The following MARCHF6 variants were observed in gnomAD, a reference collection of about 807,000 sequenced individuals.
The protein encoded by MARCHF6 is E3 ubiquitin-protein ligase MARCHF6.
In MARCHF6, 31 loss-of-function variants were observed where a neutral mutation model predicts 133.7. The observed-to-expected ratio is 0.23, with a 90% CI of 0.17 to 0.31. The LOEUF (loss-of-function observed/expected upper bound fraction) is 0.31. Ranked by LOEUF, MARCHF6 falls within the 10% of genes least tolerant of loss-of-function variation. MARCHF6 has a pLI of 1.00. For missense variants in MARCHF6, 723 were observed against 1,121.6 expected, an observed-to-expected ratio of 0.64 and a Z score of 5.08; for synonymous variants, 395 against 402.5, an observed-to-expected ratio of 0.98 and a Z score of 0.22.
chr5:10,415,153 G>A (rs1224401557), intron 20 of MARCHF6, among the ~76,000 whole-genome samples: 2 of 152,224 alleles, frequency 1.3e-5, no homozygotes, highest in African/African-American at 2.4e-5. Flanking sequence ...CCTATTATTT[G>A]CATAACAGTT....
Position 10,436,966 on chromosome 5 carries a change from T to C in MARCHF6, c.*3282T>C, listed in dbSNP as rs1176293208. On this transcript the variant is annotated 3_prime_UTR_variant, in exon 26 of 26. Coordinates refer to ENST00000274140, the MANE Select transcript of MARCHF6 (RefSeq NM_005885.4). Reference sequence around the variant, plus strand: ...TTATTCAAGTAATATAGAATAACTTTCCTTAAAATGATTTGATCCAAGATA... The same window carrying C: ...TTATTCAAGTAATATAGAATAACTTCCCTTAAAATGATTTGATCCAAGATA... 2.0e-5 allele frequency: 3 copies of C among 152,274 alleles called. No homozygotes were observed. Among genetic ancestry groups the C allele is most frequent in the Non-Finnish European group, 4.4e-5 (3 of 68,048 alleles). The allele number at this position is 152,274 out of a possible 1,614,324, so 9.4% of individuals were successfully genotyped here.
At chr5:10,404,279 G>C (rs1467158316) in intron 15 of MARCHF6, among the ~76,000 whole-genome samples, 2 of 152,092 alleles carry the variant, frequency 1.3e-5, no homozygotes, top group South Asian at 2.1e-4. Context: ...TGTTGGCCAG[G>C]CTGTTCTTGA....
At chr5:10,361,545 A>G (rs969350586) in intron 1 of MARCHF6, among the ~76,000 whole-genome samples, 2 of 152,118 alleles carry the variant, frequency 1.3e-5, no homozygotes, top group African/African-American at 4.8e-5. Flanking sequence ...ATATTGGATT[A>G]GGGCCTACTC....
At chr5:10,365,236 A>G (rs1313228111) in intron 1 of MARCHF6, among the ~76,000 whole-genome samples, 2 of 152,202 alleles carry the variant, frequency 1.3e-5, no homozygotes, top group Non-Finnish European at 2.9e-5. Flanking sequence ...TTAATTTAGT[A>G]ACGATAGTAA....
At position 10,434,819 on chromosome 5, in the gene MARCHF6, A is replaced by C. The variant is rs146068061; in HGVS notation, c.*1135A>C. 6.6e-6 allele frequency: 1 copy of C among 152,644 alleles called. No homozygotes were observed. The highest frequency in any genetic ancestry group is 1.5e-5 in the Non-Finnish European group (1 of 68,042). The allele number at this position is 152,644 out of a possible 1,614,324, so 9.5% of individuals were successfully genotyped here. On this transcript the variant is annotated 3_prime_UTR_variant, in exon 26 of 26. Transcript: ENST00000274140. ...TTTTTGTTTACAGAATAAAACTTCA[A>C]ATAAAACCAATTCATTATTTGTCCA...
intron 1 of MARCHF6, among the ~76,000 whole-genome samples, chr5:10,369,614 C>CA (rs1554019318): frequency 1.2e-4 from 1 of 8,412 alleles, no homozygotes; most frequent in Admixed American, 6.3e-4. Flanking sequence ...CCCCCCCCCC[C>CA]CCTTGCAAAT....
In MARCHF6 at chr5:10,380,306, TTCA is replaced by T. The variant is rs1266051365; in HGVS notation, c.190+1479_190+1481del. ...ACATTTTCACTTTTGGAGCTGTATA[TTCA>T]TCATAAAAAAGTCAATTCTGTTATT... On this transcript the variant is annotated intron_variant, in intron 3 of 25. Transcript: ENST00000274140. Among the ~76,000 whole-genome samples the T allele has an allele frequency of 7.2e-5, 11 of 152,298 alleles. No homozygotes were observed. The South Asian group carries it at 8.3e-4, about 11-fold the overall frequency.
chr5:10,417,317 T>A lies in MARCHF6; in HGVS notation c.2196T>A (p.Pro732=), dbSNP rs150482691. 3.7e-6 allele frequency: 6 copies of A among 1,613,986 alleles called. No individual in the cohort carries two copies. In the African/African-American group the frequency reaches 8.0e-5, roughly 22 times the overall value. ...CGGTGCTGTTGGCTGGAGTTGTCCC[T>A]CTCCTTCTGGGGCTCCTGTTTGAGC... ...IVAVLLAGVV[P]LLLGLLFELV... The change falls in exon 22 of 26, where the codon CCT becomes CCA. Residue 732 remains proline (P), a synonymous_variant. Transcript: ENST00000274140.
intron 19 of MARCHF6, among the ~76,000 whole-genome samples, chr5:10,413,964 T>G (rs1170221609): frequency 6.6e-6 from 1 of 152,236 alleles, no homozygotes; most frequent in African/African-American, 2.4e-5. Flanking sequence ...TAAATAAAGT[T>G]AAAAATTTCA....
Position 10,436,371 on chromosome 5 carries a change from A to G in MARCHF6, c.*2687A>G, listed in dbSNP as rs930132778. On this transcript the variant is annotated 3_prime_UTR_variant, in exon 26 of 26. Coordinates refer to ENST00000274140, the MANE Select transcript of MARCHF6 (RefSeq NM_005885.4). ...CATAGGGAAAGCATTTTCCAGCATA[A>G]TATTTGCTTGGGTAGCATCCGGGTT... 1.3e-5 allele frequency: 2 copies of G among 152,322 alleles called. No individual in the cohort carries two copies. Among genetic ancestry groups the G allele is most frequent in the South Asian group, 2.1e-4 (1 of 4,826 alleles). The allele number at this position is 152,322 out of a possible 1,614,324, so 9.4% of individuals were successfully genotyped here.
rs776489258 is a variant in MARCHF6, at chr5:10,402,135, G to T, written c.1049G>T (p.Cys350Phe). ...YILLAITLII[C>F]HGLATLVKFH... Reference sequence around the variant, plus strand: ...CTTTTAGCAATAACACTGATAATTTGTCATGTATCCTTTAATGAACCAACT... The same window carrying T: ...CTTTTAGCAATAACACTGATAATTTTTCATGTATCCTTTAATGAACCAACT... The change falls in exon 12 of 26, where the codon TGT becomes TTT. Residue 350 changes from cysteine to phenylalanine, a missense_variant. Around this residue, in one of 4 missense-constraint regions of MARCHF6, gnomAD observed 492 missense variants for 699.5 expected, o/e 0.70. Coordinates refer to ENST00000274140, the MANE Select transcript of MARCHF6 (RefSeq NM_005885.4). 1 of 1,592,394 alleles carries T rather than the reference G, an allele frequency of 6.3e-7. No individual in the cohort carries two copies. The highest frequency in any genetic ancestry group is 1.3e-5 in the African/African-American group (1 of 74,292).
chr5:10,399,207 A>G (rs1452270799), intron 10 of MARCHF6, among the ~76,000 whole-genome samples: 1 of 152,204 alleles, frequency 6.6e-6, no homozygotes, highest in Non-Finnish European at 1.5e-5. Context: ...AGACTGGGAT[A>G]TGAGAGCAAA....
intron 1 of MARCHF6, among the ~76,000 whole-genome samples, chr5:10,357,124 T>C (rs941364255): frequency 6.6e-6 from 1 of 152,010 alleles, no homozygotes; most frequent in Non-Finnish European, 1.5e-5. Flanking sequence ...ACATTTGCCC[T>C]CCTCATTTTA....
intron 1 of MARCHF6, among the ~76,000 whole-genome samples, chr5:10,365,954 T>G (rs889265940): frequency 1.3e-5 from 2 of 151,982 alleles, no homozygotes; most frequent in Admixed American, 1.3e-4. Context: ...ATACTTTTTT[T>G]TTGTTTTTTG....
At chr5:10,393,425 T>A (rs1358860505) in intron 7 of MARCHF6, among the ~76,000 whole-genome samples, 3 of 152,158 alleles carry the variant, frequency 2.0e-5, no homozygotes, top group Non-Finnish European at 4.4e-5. Context: ...ACCTGGTATT[T>A]GAGCTGAGAC....
chr5:10,416,848 G>GT (rs1739541399), intron 21 of MARCHF6, among the ~76,000 whole-genome samples: 1 of 152,194 alleles, frequency 6.6e-6, no homozygotes, highest in Admixed American at 6.5e-5. Context: ...TATCAGTATG[G>GT]TAAGTTCTAT....
At chr5:10,379,751 G>A (rs558518916) in intron 3 of MARCHF6, among the ~76,000 whole-genome samples, 2 of 152,122 alleles carry the variant, frequency 1.3e-5, no homozygotes, top group East Asian at 1.9e-4. Context: ...GTGAGCCACC[G>A]CGCCCAGCAA....
At chr5:10,384,877 T>A (rs1056874388) in intron 4 of MARCHF6, among the ~76,000 whole-genome samples, 23 of 152,204 alleles carry the variant, frequency 1.5e-4, no homozygotes, top group Admixed American at 9.8e-4. Context: ...AACTTTCTGT[T>A]CACTAAAGGA....
chr5:10,423,317 C>T (rs1739921109), intron 22 of MARCHF6, among the ~76,000 whole-genome samples: 1 of 152,160 alleles, frequency 6.6e-6, no homozygotes, highest in Non-Finnish European at 1.5e-5. Context: ...TAGAAGCTAT[C>T]TGTGAGCCTT....
Sources: allele counts gnomAD v4.1 joint callset (sites outside exome capture counted in the v4.1 genomes callset), GRCh38; gene constraint gnomAD v4.1.1; regional missense constraint gnomAD v4.1.1; transcripts MANE v1.5; gene names NCBI Gene and HGNC (gene_info 2026-07-23, HGNC 2026-07-21).